The following MACF1 variants were observed in gnomAD, a reference collection of about 807,000 sequenced individuals.
The protein encoded by MACF1 is microtubule-actin cross-linking factor 1.
Under a neutral mutation model 854.8 loss-of-function variants are expected in MACF1, and 193 were observed. The ratio of observed to expected loss-of-function variants is 0.23; its 90% CI spans 0.20 to 0.25. The LOEUF (loss-of-function observed/expected upper bound fraction) is 0.25. Ranked by LOEUF, MACF1 falls within the 10% of genes least tolerant of loss-of-function variation. The pLI is 1.00. For missense variants in MACF1, 7,722 were observed against 8,929.1 expected, an observed-to-expected ratio of 0.86 and a Z score of 5.45; for synonymous variants, 3,185 against 3,226.7, an observed-to-expected ratio of 0.99 and a Z score of 0.44.
chr1:39,442,995 A>C, intron 78 of MACF1, 84 bp downstream of exon 78: 2 of 1,323,534 alleles, frequency 1.5e-6, no homozygotes, highest in Non-Finnish European at 2.1e-6. Flanking sequence ...GATCAATTTG[A>C]AAAGCAAAGA....
At chr1:39,245,869 G>A (rs538818444) in intron 2 of MACF1, among the ~76,000 whole-genome samples, 1 of 152,020 alleles carries the variant, frequency 6.6e-6, no homozygotes, top group Admixed American at 6.5e-5. Flanking sequence ...TTAATGTCAA[G>A]TATGTAATAT....
chr1:39,207,809 G>A (rs1177884088), intron 1 of MACF1, among the ~76,000 whole-genome samples: 1 of 152,038 alleles, frequency 6.6e-6, no homozygotes, highest in Non-Finnish European at 1.5e-5. Flanking sequence ...TCTAAAAATT[G>A]ATTCTCTGCA....
intron 58 of MACF1, among the ~76,000 whole-genome samples, chr1:39,403,155 T>C (rs55726210): frequency 6.6e-6 from 1 of 152,042 alleles, no homozygotes; most frequent in Non-Finnish European, 1.5e-5. Context: ...TGGAGTGCAG[T>C]GGGTGCGATC....
At chr1:39,197,017 G>A (rs1412838755) in intron 2 of MACF1, among the ~76,000 whole-genome samples, 1 of 152,066 alleles carries the variant, frequency 6.6e-6, no homozygotes, top group African/African-American at 2.4e-5. Context: ...GATATCCTGG[G>A]GGGTGCTAAA....
intron 2 of MACF1, among the ~76,000 whole-genome samples, chr1:39,234,825 ACGGGG>A (rs1644838539): frequency 2.0e-4 from 8 of 40,744 alleles, no homozygotes; most frequent in East Asian, 2.0e-3. Context: ...CACCTCCCAG[ACGGGG>A]TCGCGGCTGG....
chr1:39,327,693 CAA>C (rs1370260288), intron 36 of MACF1, among the ~76,000 whole-genome samples: 2 of 152,168 alleles, frequency 1.3e-5, no homozygotes, highest in Non-Finnish European at 2.9e-5. Flanking sequence ...CATTGTCACT[CAA>C]AAGTTGATAG....
At chr1:39,162,530 T>A (rs1485931468) in intron 2 of MACF1, among the ~76,000 whole-genome samples, 6 of 152,210 alleles carry the variant, frequency 3.9e-5, no homozygotes. Context: ...CCCAGTAGAA[T>A]TATTCTCTCT....
intron 37 of MACF1, 25 bp downstream of exon 37, chr1:39,336,678 T>C (rs778169216): frequency 3.3e-6 from 5 of 1,537,720 alleles, no homozygotes; most frequent in African/African-American, 1.4e-5. Context: ...TTTTTTTTTT[T>C]CTTCCTAAAG....
Position 39,480,028 on chromosome 1 carries a change from T to G in MACF1, c.22170+19T>G. On this transcript the variant is annotated intron_variant, in intron 98 of 100. Coordinates refer to ENST00000564288, the MANE Select transcript of MACF1 (RefSeq NM_001394062.1). ...AACCAAGGTATGTACTGATCTCCAT[T>G]ATGCCCTTCTTCCCCAATCCCACCC... 6.2e-7 allele frequency: 1 copy of G among 1,607,338 alleles called. No individual in the cohort carries two copies.
At chr1:39,245,756 TATTC>T (rs570001839) in intron 2 of MACF1, among the ~76,000 whole-genome samples, 2 of 152,194 alleles carry the variant, frequency 1.3e-5, no homozygotes, top group Non-Finnish European at 2.9e-5. Flanking sequence ...TTCATTTATT[TATTC>T]ATTCATTCAT....
intron 2 of MACF1, among the ~76,000 whole-genome samples, chr1:39,232,757 T>TTGTTG (rs1553174824): frequency 6.7e-6 from 1 of 149,668 alleles, no homozygotes; most frequent in Non-Finnish European, 1.5e-5. Context: ...TTTTTTTTTT[T>TTGTTG]TTTTTTTTTT....
At chr1:39,414,756 A>T (rs1010127986) in intron 58 of MACF1, among the ~76,000 whole-genome samples, 3 of 152,246 alleles carry the variant, frequency 2.0e-5, no homozygotes, top group Non-Finnish European at 4.4e-5. Flanking sequence ...TTTTAAAAAG[A>T]TTATTAGCAG....
intron 58 of MACF1, among the ~76,000 whole-genome samples, chr1:39,420,980 C>T (rs1643513424): frequency 6.6e-6 from 1 of 151,906 alleles, no homozygotes; most frequent in African/African-American, 2.4e-5. Flanking sequence ...ATTCTCCTGC[C>T]TCAGCCTCCC....
At chr1:39,361,760 A>G in intron 49 of MACF1, 83 bp downstream of exon 49, 1 of 1,271,354 alleles carries the variant, frequency 7.9e-7, no homozygotes, top group Non-Finnish European at 1.1e-6. Flanking sequence ...CGCATACTAC[A>G]TCAGTCAGTA....
At chr1:39,300,078 G>C in intron 21 of MACF1, 132 bp from the exon 22 acceptor site, 1 of 863,340 alleles carries the variant, frequency 1.2e-6, no homozygotes, top group Non-Finnish European at 1.8e-6. Flanking sequence ...CTTTAAGATG[G>C]CTCCACCAAC....
chr1:39,190,664 T>C (rs1167149078), intron 2 of MACF1, among the ~76,000 whole-genome samples: 1 of 151,972 alleles, frequency 6.6e-6, no homozygotes, highest in Non-Finnish European at 1.5e-5. Flanking sequence ...TTTCTCTCTC[T>C]TTTTGATAAA....
chr1:39,183,972 A>G (rs1433051161), intron 2 of MACF1, among the ~76,000 whole-genome samples: 1 of 152,226 alleles, frequency 6.6e-6, no homozygotes, highest in Non-Finnish European at 1.5e-5. Flanking sequence ...AGAACATATA[A>G]TGACAGGATG....
Position 39,380,119 on chromosome 1 carries a change from C to T in MACF1, c.13519-125C>T, listed in dbSNP as rs181704366. ...GGTTAAGTATCTTAACACCACTAAACAAGTCATTGATAGGATCCTAGTAGA... is the reference window on the plus strand; with the variant it reads ...GGTTAAGTATCTTAACACCACTAAATAAGTCATTGATAGGATCCTAGTAGA... On this transcript the variant is annotated intron_variant, in intron 54 of 100. Transcript: ENST00000564288. The T allele has an allele frequency of 3.6e-4, 330 of 904,718 alleles. 2 individuals are homozygous for T. In the East Asian group the frequency reaches 7.8e-3, roughly 21 times the overall value. 56.0% of individuals were successfully genotyped at this position (904,718 alleles called of 1,614,324 possible).
intron 2 of MACF1, among the ~76,000 whole-genome samples, chr1:39,102,230 A>G (rs1176785626): frequency 6.6e-6 from 1 of 152,060 alleles, no homozygotes; most frequent in East Asian, 1.9e-4. Context: ...AGAGAAAGAA[A>G]AGAAAAGAAA....
Sources: gnomAD v4.1 joint callset for allele counts (sites outside exome capture counted in the v4.1 genomes callset) on GRCh38, gnomAD v4.1.1 for gene constraint, MANE v1.5 for transcripts, NCBI Gene and HGNC (gene_info 2026-07-23, HGNC 2026-07-21) for gene names.